NELL1: variants seen among roughly 807,000 people sequenced by gnomAD.
NELL1 encodes neural EGFL like 1.
A neutral mutation model predicts 107.4 loss-of-function variants in NELL1; 76 were observed. That is an observed-to-expected ratio of 0.71 (90% confidence interval 0.59 to 0.86). The LOEUF is 0.86. Ranked by LOEUF, NELL1 falls within the 40% of genes least tolerant of loss-of-function variation. The probability of loss-of-function intolerance (pLI) is 0.00; values close to 1 mark genes in which losing one functional copy is unlikely to be tolerated. For synonymous variants in NELL1, 353 were observed against 341.2 expected (o/e 1.03, Z -0.38); for missense variants, 1,024 against 1,005.5 (o/e 1.02, Z -0.25).
chr11:21,107,595 G>T (rs570733616), intron 12 of NELL1, among the ~76,000 whole-genome samples: 1 of 152,136 alleles, frequency 6.6e-6, no homozygotes, highest in Non-Finnish European at 1.5e-5. Context: ...AAGAAATAGT[G>T]TGGGGGCTCG....
intron 15 of NELL1, among the ~76,000 whole-genome samples, chr11:21,484,570 A>G (rs910447595): frequency 6.6e-6 from 1 of 152,056 alleles, no homozygotes; most frequent in Non-Finnish European, 1.5e-5. Flanking sequence ...ATGTATGTAT[A>G]CATATATGGA....
intron 7 of NELL1, 54 bp from the exon 8 acceptor site, chr11:20,927,254 T>C (rs1850517156): frequency 1.3e-6 from 2 of 1,543,866 alleles, no homozygotes; most frequent in African/African-American, 2.8e-5. Flanking sequence ...ATTAGCTTTG[T>C]TAGGATGATG....
intron 12 of NELL1, among the ~76,000 whole-genome samples, chr11:21,004,057 A>G (rs1457948180): frequency 6.6e-6 from 1 of 152,078 alleles, no homozygotes; most frequent in African/African-American, 2.4e-5. Context: ...TCCATGCATC[A>G]CTAATGCCCT....
intron 2 of NELL1, among the ~76,000 whole-genome samples, chr11:20,770,436 G>C (rs1162160199): frequency 6.6e-6 from 1 of 152,224 alleles, no homozygotes; most frequent in Non-Finnish European, 1.5e-5. Context: ...TGGAGCTTCT[G>C]TTCAAAGCCT....
intron 13 of NELL1, among the ~76,000 whole-genome samples, chr11:21,183,412 T>A (rs1856869064): frequency 6.6e-6 from 1 of 151,936 alleles, no homozygotes; most frequent in African/African-American, 2.4e-5. Flanking sequence ...ATTCATAGGG[T>A]CAGCTGAACA....
intron 4 of NELL1, among the ~76,000 whole-genome samples, chr11:20,863,490 T>C (rs1849028995): frequency 7.9e-6 from 1 of 127,238 alleles, no homozygotes; most frequent in Non-Finnish European, 1.7e-5. Flanking sequence ...GCAGAGACGC[T>C]CCTCACCTCC....
At chr11:21,126,385 C>G (rs1463463678) in intron 13 of NELL1, among the ~76,000 whole-genome samples, 23 of 122,192 alleles carry the variant, frequency 1.9e-4, no homozygotes, top group Admixed American at 1.8e-3. Context: ...AAATAAAATG[C>G]TAATGCGATG....
At chr11:20,936,274 G>A (rs1352758797) in intron 9 of NELL1, among the ~76,000 whole-genome samples, 1 of 152,134 alleles carries the variant, frequency 6.6e-6, no homozygotes, top group African/African-American at 2.4e-5. Context: ...GGGCAAGGTG[G>A]CTCTCTACAG....
intron 2 of NELL1, among the ~76,000 whole-genome samples, chr11:20,714,194 A>ATTT (rs34441596): frequency 0.1 from 6,163 of 61,788 alleles, 1,445 homozygotes; most frequent in Non-Finnish European, 0.13. Context: ...TATCTCCCCG[A>ATTT]TTTTTTTTTT....
At chr11:20,774,032 C>T (rs1437984585) in intron 2 of NELL1, among the ~76,000 whole-genome samples, 1 of 121,524 alleles carries the variant, frequency 8.2e-6, no homozygotes, top group African/African-American at 3.2e-5. Context: ...TTCCTCCCTC[C>T]CCTCCCCTCC....
chr11:21,470,835 G>T (rs1854160886), intron 15 of NELL1, among the ~76,000 whole-genome samples: 1 of 152,076 alleles, frequency 6.6e-6, no homozygotes, highest in African/African-American at 2.4e-5. Flanking sequence ...AGCATTTACT[G>T]CCATGTCCTC....
chr11:21,340,113 C>A (rs958573198), intron 14 of NELL1, among the ~76,000 whole-genome samples: 2 of 152,152 alleles, frequency 1.3e-5, no homozygotes, highest in African/African-American at 4.8e-5. Flanking sequence ...GCTCATCATA[C>A]ACAAGGTTAT....
chr11:21,142,415 G>A (rs146075853), intron 13 of NELL1, among the ~76,000 whole-genome samples: 45 of 152,300 alleles, frequency 3.0e-4, no homozygotes, highest in African/African-American at 9.6e-4. Context: ...TGCTATCTGG[G>A]TCCCAAGTAT....
chr11:21,284,505 G>A (rs745340438), intron 14 of NELL1: 4 of 459,528 alleles, frequency 8.7e-6, no homozygotes, highest in Admixed American at 2.3e-5. Context: ...GGGGGAGGTG[G>A]CATCCCGCTA....
rs181306898 is a variant in NELL1 at position 21,378,164 on chromosome 11, G to A, written c.1645+7216G>A. Among the ~76,000 whole-genome samples, 24 of 151,572 alleles carry A rather than the reference G, an allele frequency of 1.6e-4. No individual in the cohort carries two copies. In the East Asian group the frequency reaches 3.7e-3, roughly 23 times the overall value. On this transcript the variant is annotated intron_variant, in intron 15 of 19. Coordinates refer to ENST00000357134, the MANE Select transcript of NELL1 (RefSeq NM_006157.5). ...AAAATTAAGGAAAAATTCTCCAGAC[G>A]TTGCCAAATATCCCCTGGGAGACAA...
At chr11:20,987,173 G>T (rs1240396574) in intron 12 of NELL1, among the ~76,000 whole-genome samples, 1 of 152,106 alleles carries the variant, frequency 6.6e-6, no homozygotes, top group African/African-American at 2.4e-5. Flanking sequence ...AACTTGGGTA[G>T]ATTTTACTCT....
intron 12 of NELL1, among the ~76,000 whole-genome samples, chr11:21,006,329 G>T (rs1019252848): frequency 2.0e-5 from 3 of 152,074 alleles, no homozygotes; most frequent in Admixed American, 6.6e-5. Context: ...CTCACCATGC[G>T]ATGCCTTCTG....
At chr11:21,202,290 G>A (rs1430547459) in intron 13 of NELL1, among the ~76,000 whole-genome samples, 1 of 152,150 alleles carries the variant, frequency 6.6e-6, no homozygotes, top group Non-Finnish European at 1.5e-5. Context: ...ATTAATTACT[G>A]CTTCAATTTC....
intron 2 of NELL1, among the ~76,000 whole-genome samples, chr11:20,688,129 A>G (rs994454752): frequency 5.3e-5 from 8 of 152,108 alleles, no homozygotes; most frequent in African/African-American, 1.9e-4. Flanking sequence ...TCCATTGTGT[A>G]ACCATAGTTT....
Sources: allele counts gnomAD v4.1 joint callset (sites outside exome capture counted in the v4.1 genomes callset), GRCh38; gene constraint gnomAD v4.1.1; transcripts MANE v1.5; gene names NCBI Gene and HGNC (gene_info 2026-07-23, HGNC 2026-07-21).